Variants in EMC3 observed in about 807,000 individuals in gnomAD.
EMC3 encodes the protein ER membrane protein complex subunit 3, also known as 30 kDa protein.
A neutral mutation model predicts 36.6 loss-of-function variants in EMC3; 13 were observed. That is an observed-to-expected ratio of 0.35 (90% CI 0.23 to 0.56). The LOEUF is 0.56. EMC3 is among the 20% of genes least tolerant of loss of function. The pLI, the probability that EMC3 is intolerant of heterozygous loss-of-function variation, is 0.84. For missense variants in EMC3, 220 were observed against 324.5 expected (o/e 0.68, Z 2.47); for synonymous variants, 120 against 111.9 (o/e 1.07, Z -0.46).
chr3:9,972,605 C>A (rs1347702834), intron 5 of EMC3, among the ~76,000 whole-genome samples: 1 of 151,454 alleles, frequency 6.6e-6, no homozygotes, highest in Admixed American at 6.6e-5. Context: ...ACCCTGTCTC[C>A]ATGAAAAATA....
chr3:9,973,779 AGAG>A, intron 4 of EMC3, 70 bp from the exon 5 acceptor site: 1 of 1,423,124 alleles, frequency 7.0e-7, no homozygotes, highest in Non-Finnish European at 9.9e-7. Context: ...ACTCTTTCTC[AGAG>A]GAGGTGGGAA....
At chr3:9,984,673 G>C (rs1238813686) in intron 1 of EMC3, among the ~76,000 whole-genome samples, 1 of 151,870 alleles carries the variant, frequency 6.6e-6, no homozygotes, top group African/African-American at 2.4e-5. Context: ...GTACAGGCAT[G>C]AGCCACCATG....
intron 1 of EMC3, chr3:10,007,726 A>C: frequency 4.3e-6 from 5 of 1,163,984 alleles, no homozygotes; most frequent in Non-Finnish European, 5.7e-6. Context: ...CTGTGGGTGC[A>C]GATGCCCATC....
Position 9,992,050 on chromosome 3 carries a change from C to T in EMC3, c.-241-5148G>A, listed in dbSNP as rs534736982. Among the ~76,000 whole-genome samples the T allele has an allele frequency of 1.2e-4, 19 of 152,278 alleles. No individual in the cohort carries two copies. In the South Asian group the frequency reaches 3.7e-3, roughly 30 times the overall value. ...TCCTGCTGTGCAGCTTGGTTCCTAG[C>T]AGACCACAGACTCCGTGATCCAGGA... On this transcript the variant is annotated intron_variant, in intron 1 of 8. Transcript: ENST00000470827.
chr3:9,969,947 G>GAT, intron 6 of EMC3, 146 bp from the exon 7 acceptor site: 1 of 1,342,710 alleles, frequency 7.4e-7, no homozygotes, highest in Non-Finnish European at 9.8e-7. Context: ...GTGACTCTAG[G>GAT]AAAGTCACTT....
chr3:9,975,894 T>C (rs2085844343), intron 3 of EMC3, among the ~76,000 whole-genome samples: 1 of 151,896 alleles, frequency 6.6e-6, no homozygotes, highest in African/African-American at 2.4e-5. Flanking sequence ...TAACTTTTCA[T>C]ATATTTAATG....
At chr3:9,970,770 T>C in intron 5 of EMC3, 109 bp from the exon 6 acceptor site, 1 of 991,958 alleles carries the variant, frequency 1.0e-6, no homozygotes, top group South Asian at 1.4e-5. Context: ...GAAGTCACCT[T>C]GGATGGGCTA....
At chr3:9,983,517 C>T (rs1313772835) in intron 1 of EMC3, among the ~76,000 whole-genome samples, 2 of 152,116 alleles carry the variant, frequency 1.3e-5, no homozygotes, top group African/African-American at 4.8e-5. Context: ...TACTAAAATA[C>T]AAAAATTAGC....
intron 1 of EMC3, among the ~76,000 whole-genome samples, chr3:9,994,715 C>T (rs1248956437): frequency 2.6e-5 from 4 of 151,998 alleles, no homozygotes; most frequent in African/African-American, 4.8e-5. Flanking sequence ...GGATTACAGG[C>T]GCGTGCCACT....
chr3:9,995,926 C>G (rs1265112790), intron 1 of EMC3, among the ~76,000 whole-genome samples: 1 of 151,748 alleles, frequency 6.6e-6, no homozygotes, highest in African/African-American at 2.4e-5. Flanking sequence ...AGCCATAGTT[C>G]GAGCATTTTT....
At chr3:10,004,165 T>G (rs2086237074) in intron 1 of EMC3, 1 of 152,194 alleles carries the variant, frequency 6.6e-6, no homozygotes, top group African/African-American at 2.4e-5. Flanking sequence ...AAGTGGAAGC[T>G]ATTTTTCCCC....
chr3:10,002,586 T>C, intron 1 of EMC3: 1 of 355,982 alleles, frequency 2.8e-6, no homozygotes, highest in Non-Finnish European at 5.6e-6. Flanking sequence ...GCGCCAAGCC[T>C]TGCCTTTATG....
At chr3:10,002,575 C>T (rs1301796514) in intron 1 of EMC3, 5 of 351,462 alleles carry the variant, frequency 1.4e-5, no homozygotes, top group Admixed American at 7.6e-5. Context: ...CATGAGCCAC[C>T]GCGCCAAGCC....
At chr3:9,983,142 C>T (rs2085929895) in intron 1 of EMC3, among the ~76,000 whole-genome samples, 1 of 148,658 alleles carries the variant, frequency 6.7e-6, no homozygotes, top group Non-Finnish European at 1.5e-5. Context: ...TAATGGTAAT[C>T]TGTGGAATTT....
intron 1 of EMC3, among the ~76,000 whole-genome samples, chr3:9,986,282 A>G (rs1459254249): frequency 6.6e-6 from 1 of 152,148 alleles, no homozygotes. Flanking sequence ...ATCCTGTGCT[A>G]AGGGACTTAC....
intron 1 of EMC3, chr3:10,007,613 C>G (rs1361943103): frequency 7.3e-7 from 1 of 1,367,052 alleles, no homozygotes; most frequent in South Asian, 1.1e-5. Context: ...TGGCAAGACA[C>G]AGCAGCAGCC....
Position 9,986,840 on chromosome 3 carries a change from T to G in EMC3, c.-179A>C. The G allele has an allele frequency of 6.5e-6, 9 of 1,387,292 alleles. No individual in the cohort carries two copies. The highest frequency in any genetic ancestry group is 7.5e-6 in the Non-Finnish European group (8 of 1,068,142). 85.9% of individuals were successfully genotyped at this position (1,387,292 alleles called of 1,614,324 possible). ...TCAGCTGGGCTGCCTGGTCTTCCACTTCCGGCGCGAACGTTGACGTCACGT... is the reference window on the plus strand; with the variant it reads ...TCAGCTGGGCTGCCTGGTCTTCCACGTCCGGCGCGAACGTTGACGTCACGT... On this transcript the variant is annotated 5_prime_UTR_variant, in exon 1 of 8. Transcript: ENST00000245046.
At chr3:10,002,761 C>T (rs769455652) in intron 1 of EMC3, 1 of 451,712 alleles carries the variant, frequency 2.2e-6, no homozygotes, top group Admixed American at 2.4e-5. Flanking sequence ...CTGGATACAC[C>T]CAGAAATGTC....
intron 1 of EMC3, among the ~76,000 whole-genome samples, chr3:10,001,319 T>TG (rs1303786123): frequency 2.0e-5 from 3 of 147,632 alleles, no homozygotes; most frequent in South Asian, 2.1e-4. Flanking sequence ...CCCAGCACTT[T>TG]GGGGGGCCGA....
Sources: allele counts gnomAD v4.1 joint callset (sites outside exome capture counted in the v4.1 genomes callset), GRCh38; gene constraint gnomAD v4.1.1; transcripts MANE v1.5; gene names NCBI Gene and HGNC (gene_info 2026-07-23, HGNC 2026-07-21).